The following MNAT1 variants were observed in gnomAD, a reference collection of about 807,000 sequenced individuals.
MNAT1 encodes the protein MNAT1 component of CDK activating kinase, also known as CDK-activating kinase assembly factor MAT1.
Under a neutral mutation model 42.0 loss-of-function variants are expected in MNAT1, and 43 were observed. The ratio of observed to expected loss-of-function variants is 1.02; its 90% confidence interval spans 0.80 to 1.32. The LOEUF is 1.32. Ranked by LOEUF, MNAT1 falls within the 40% of genes most tolerant of loss-of-function variation. The pLI is 0.00. For missense variants in MNAT1, 306 were observed against 350.4 expected (o/e 0.87, Z 1.01); for synonymous variants, 118 against 120.0 (o/e 0.98, Z 0.11).
chr14:60,746,292 G>A (rs918405395), intron 1 of MNAT1, among the ~76,000 whole-genome samples: 5 of 152,090 alleles, frequency 3.3e-5, no homozygotes, highest in Non-Finnish European at 5.9e-5. Flanking sequence ...GAGGCGGGTA[G>A]ATTACGAGGT....
intron 6 of MNAT1, among the ~76,000 whole-genome samples, chr14:60,855,846 T>A (rs1192388531): frequency 1.3e-5 from 2 of 152,204 alleles, no homozygotes; most frequent in African/African-American, 4.8e-5. Context: ...GTAATTGTTT[T>A]AGGCTGCCAG....
chr14:60,875,042 A>G (rs555441280), intron 6 of MNAT1, among the ~76,000 whole-genome samples: 8 of 152,202 alleles, frequency 5.3e-5, no homozygotes, highest in Admixed American at 4.6e-4. Context: ...TTTGTGTGTC[A>G]TTTATGAACT....
At chr14:60,752,262 A>C (rs1015223696) in intron 1 of MNAT1, among the ~76,000 whole-genome samples, 2 of 152,206 alleles carry the variant, frequency 1.3e-5, no homozygotes, top group Non-Finnish European at 2.9e-5. Flanking sequence ...ATGACATGCC[A>C]GATGCTGTAT....
chr14:60,931,760 T>A (rs1426899167), intron 7 of MNAT1, among the ~76,000 whole-genome samples: 2 of 152,126 alleles, frequency 1.3e-5, no homozygotes, highest in Admixed American at 1.3e-4. Flanking sequence ...TGTGTATATA[T>A]ATGGTGTGTG....
intron 7 of MNAT1, among the ~76,000 whole-genome samples, chr14:60,967,141 C>T (rs1272546219): frequency 6.6e-6 from 1 of 152,072 alleles, no homozygotes; most frequent in Non-Finnish European, 1.5e-5. Flanking sequence ...CTACCTTGAC[C>T]CATTTTTTCT....
intron 4 of MNAT1, 165 bp downstream of exon 4, chr14:60,808,593 G>T (rs1594769014): frequency 4.4e-6 from 2 of 449,788 alleles, no homozygotes; most frequent in East Asian, 4.1e-5. Context: ...AGGTAGGCAG[G>T]CACACATTAC....
At chr14:60,811,256 A>G (rs2032533688) in intron 4 of MNAT1, among the ~76,000 whole-genome samples, 1 of 146,018 alleles carries the variant, frequency 6.8e-6, no homozygotes, top group African/African-American at 2.5e-5. Context: ...CCCCACTCTA[A>G]TTAGATTATT....
chr14:60,907,167 C>T (rs1415212396), intron 7 of MNAT1, among the ~76,000 whole-genome samples: 1 of 152,154 alleles, frequency 6.6e-6, no homozygotes, highest in African/African-American at 2.4e-5. Context: ...AACAGCTGGA[C>T]ACGGTGGTTC....
chr14:60,901,391 C>A (rs574170952), intron 7 of MNAT1, among the ~76,000 whole-genome samples: 2 of 152,306 alleles, frequency 1.3e-5, no homozygotes, highest in South Asian at 4.1e-4. Context: ...ATATTGTTTT[C>A]ATGACTGCTA....
At chr14:60,772,496 T>A (rs906369313) in intron 1 of MNAT1, among the ~76,000 whole-genome samples, 1 of 151,580 alleles carries the variant, frequency 6.6e-6, no homozygotes. Flanking sequence ...CTCTGGAGGC[T>A]GACACAGGAG....
At chr14:60,909,407 G>A (rs1594859424) in intron 7 of MNAT1, among the ~76,000 whole-genome samples, 1 of 152,238 alleles carries the variant, frequency 6.6e-6, no homozygotes, top group African/African-American at 2.4e-5. Flanking sequence ...CCATGCCTAT[G>A]TCCTGAATGG....
At chr14:60,873,972 A>G (rs2034382980) in intron 6 of MNAT1, among the ~76,000 whole-genome samples, 1 of 152,174 alleles carries the variant, frequency 6.6e-6, no homozygotes, top group African/African-American at 2.4e-5. Context: ...TGATGAACAG[A>G]CATGAATAAG....
At chr14:60,919,786 C>G (rs550102651) in intron 7 of MNAT1, 17 of 157,150 alleles carry the variant, frequency 1.1e-4, no homozygotes, top group Middle Eastern at 1.5e-3. Context: ...CCTTATCATT[C>G]TCACATTGGA....
intron 7 of MNAT1, among the ~76,000 whole-genome samples, chr14:60,943,447 A>G (rs2036215573): frequency 6.6e-6 from 1 of 152,172 alleles, no homozygotes; most frequent in Non-Finnish European, 1.5e-5. Context: ...AAATTGAAGC[A>G]AAGTCATTTG....
At chr14:60,919,076 A>G (rs2035596064) in intron 7 of MNAT1, among the ~76,000 whole-genome samples, 1 of 152,066 alleles carries the variant, frequency 6.6e-6, no homozygotes, top group South Asian at 2.1e-4. Context: ...ACAGACACAC[A>G]GACAGTCTGC....
chr14:60,894,107 T>C (rs1367784908), intron 7 of MNAT1, among the ~76,000 whole-genome samples: 4 of 152,126 alleles, frequency 2.6e-5, no homozygotes, highest in Non-Finnish European at 2.9e-5. Flanking sequence ...CCTAGACTTA[T>C]GCTTTGCATC....
chr14:60,950,364 A>G (rs2036358115), intron 7 of MNAT1, among the ~76,000 whole-genome samples: 1 of 152,186 alleles, frequency 6.6e-6, no homozygotes, highest in Non-Finnish European at 1.5e-5. Context: ...ATACTCATTA[A>G]GAAAATGCAA....
intron 7 of MNAT1, among the ~76,000 whole-genome samples, chr14:60,966,960 T>C (rs2036693600): frequency 6.6e-6 from 1 of 152,122 alleles, no homozygotes; most frequent in South Asian, 2.1e-4. Context: ...GAGATATGTT[T>C]TATGGCTATA....
intron 7 of MNAT1, among the ~76,000 whole-genome samples, chr14:60,935,870 C>A (rs1299408931): frequency 6.6e-6 from 1 of 152,120 alleles, no homozygotes; most frequent in East Asian, 1.9e-4. Flanking sequence ...CTTAGTTCAG[C>A]TAAAACCGGG....
Sources: gnomAD v4.1 joint callset for allele counts (sites outside exome capture counted in the v4.1 genomes callset) on GRCh38, gnomAD v4.1.1 for gene constraint, MANE v1.5 for transcripts, NCBI Gene and HGNC (gene_info 2026-07-23, HGNC 2026-07-21) for gene names.